Variants in ST3GAL2 observed in about 807,000 individuals in gnomAD.
ST3GAL2 encodes ST3 beta-galactoside alpha-2,3-sialyltransferase 2.
A neutral mutation model predicts 37.5 loss-of-function variants in ST3GAL2; 16 were observed. The observed-to-expected ratio is 0.43, with a 90% CI of 0.29 to 0.65. ST3GAL2 has a LOEUF of 0.65. ST3GAL2 is among the 30% of genes least tolerant of loss of function. The pLI, the probability that ST3GAL2 is intolerant of heterozygous loss-of-function variation, is 0.17. For synonymous variants in ST3GAL2, 238 were observed against 202.9 expected (o/e 1.17, Z -1.47); for missense variants, 383 against 487.8 (o/e 0.79, Z 2.02).
At chr16:70,386,520 A>G (rs1439800046) in intron 4 of ST3GAL2, among the ~76,000 whole-genome samples, 2 of 152,080 alleles carry the variant, frequency 1.3e-5, no homozygotes, top group African/African-American at 2.4e-5. Context: ...TTGTATTTTT[A>G]GTAGAGACAA....
chr16:70,384,534 G>C (rs2047428783), intron 4 of ST3GAL2, among the ~76,000 whole-genome samples: 1 of 151,656 alleles, frequency 6.6e-6, no homozygotes, highest in African/African-American at 2.4e-5. Context: ...GTAAAACCCT[G>C]TCTCTACTAA....
chr16:70,399,659 T>C (rs2047542071), intron 1 of ST3GAL2, 126 bp from the exon 2 acceptor site: 3 of 385,516 alleles, frequency 7.8e-6, no homozygotes, highest in Non-Finnish European at 1.4e-5. Context: ...AGGGTGGACA[T>C]GACCAAGGGC....
Position 70,381,630 on chromosome 16 carries a change from C to T in ST3GAL2, c.*59G>A, listed in dbSNP as rs538666834. 4.4e-6 allele frequency: 7 copies of T among 1,579,742 alleles called. No homozygotes were observed. In the South Asian group the frequency reaches 6.9e-5, roughly 16 times the overall value. ...TGGTCGCGGGTTGCTGGTCCTGGGTCCCGGGCCGGAGCCCCGGTGCCCGAT... is the reference window on the plus strand; with the variant it reads ...TGGTCGCGGGTTGCTGGTCCTGGGTTCCGGGCCGGAGCCCCGGTGCCCGAT... On this transcript the variant is annotated 3_prime_UTR_variant, in exon 7 of 7. Transcript: ENST00000342907.
chr16:70,414,571 T>C (rs1402941638), intron 1 of ST3GAL2, among the ~76,000 whole-genome samples: 2 of 152,248 alleles, frequency 1.3e-5, no homozygotes, highest in Admixed American at 6.5e-5. Flanking sequence ...AGGCCCAGCC[T>C]GAAGTTCCAC....
At chr16:70,401,763 T>C (rs1487987602) in intron 1 of ST3GAL2, among the ~76,000 whole-genome samples, 1 of 151,838 alleles carries the variant, frequency 6.6e-6, no homozygotes, top group Admixed American at 6.6e-5. Flanking sequence ...GAGCCTGAGG[T>C]GGGTGTATCA....
At chr16:70,399,733 A>C (rs1191776721) in intron 1 of ST3GAL2, 200 bp from the exon 2 acceptor site, 1 of 319,230 alleles carries the variant, frequency 3.1e-6, no homozygotes, top group Non-Finnish European at 5.7e-6. Flanking sequence ...GGACTAGATT[A>C]GCCCAGAGTC....
At chr16:70,383,022 GTGCGTC>G in intron 5 of ST3GAL2, 98 bp from the exon 6 acceptor site, 1 of 1,581,404 alleles carries the variant, frequency 6.3e-7, no homozygotes, top group Non-Finnish European at 8.6e-7. Flanking sequence ...TCAGAGACCT[GTGCGTC>G]TGTGTCTCCT....
At chr16:70,431,662 T>TAA (rs60739243) in intron 1 of ST3GAL2, among the ~76,000 whole-genome samples, 8,203 of 139,258 alleles carry the variant, frequency 0.059, 771 homozygotes, top group African/African-American at 0.2. Context: ...CCCATCTCTT[T>TAA]AAAAAAAAAA....
chr16:70,403,892 G>C (rs1468761960), intron 1 of ST3GAL2, among the ~76,000 whole-genome samples: 2 of 152,058 alleles, frequency 1.3e-5, no homozygotes, highest in Admixed American at 6.6e-5. Flanking sequence ...CTACTCAGGA[G>C]GCTTAGGCAT....
chr16:70,399,726 C>T, intron 1 of ST3GAL2, 193 bp from the exon 2 acceptor site: 2 of 328,390 alleles, frequency 6.1e-6, no homozygotes, highest in East Asian at 4.7e-5. Context: ...GCCTGGAGGA[C>T]TAGATTAGCC....
chr16:70,424,358 T>G (rs1162203607), intron 1 of ST3GAL2, among the ~76,000 whole-genome samples: 3 of 147,814 alleles, frequency 2.0e-5, no homozygotes, highest in African/African-American at 7.4e-5. Flanking sequence ...TCCCAGCACT[T>G]TGGGAGGCCG....
chr16:70,429,784 G>A (rs1218846860), intron 1 of ST3GAL2, among the ~76,000 whole-genome samples: 2 of 151,452 alleles, frequency 1.3e-5, no homozygotes, highest in Non-Finnish European at 2.9e-5. Context: ...TGGGATTACA[G>A]GCGCCCTCCA....
chr16:70,382,105 G>A (rs1180545063), intron 6 of ST3GAL2, among the ~76,000 whole-genome samples: 4 of 146,140 alleles, frequency 2.7e-5, no homozygotes, highest in African/African-American at 7.7e-5. Context: ...ACTCAGTGAA[G>A]CACTTGCCGG....
chr16:70,415,545 G>A (rs377162609), intron 1 of ST3GAL2, among the ~76,000 whole-genome samples: 85 of 152,086 alleles, frequency 5.6e-4, no homozygotes, highest in East Asian at 1.7e-3. Context: ...TCCATCTCCC[G>A]GGTTCAAGCG....
At chr16:70,415,861 C>A (rs900224064) in intron 1 of ST3GAL2, among the ~76,000 whole-genome samples, 1 of 150,588 alleles carries the variant, frequency 6.6e-6, no homozygotes, top group East Asian at 1.9e-4. Flanking sequence ...CCGCAACCTC[C>A]GCCTCCCGGG....
chr16:70,433,517 C>T (rs2047804971), intron 1 of ST3GAL2, among the ~76,000 whole-genome samples: 2 of 152,164 alleles, frequency 1.3e-5, no homozygotes, highest in South Asian at 4.1e-4. Context: ...CAACATGCCA[C>T]CAGCCCTTCC....
intron 1 of ST3GAL2, among the ~76,000 whole-genome samples, chr16:70,437,759 C>G (rs956899243): frequency 6.6e-5 from 10 of 152,182 alleles, no homozygotes; most frequent in African/African-American, 2.2e-4. Flanking sequence ...GTCTCCCAGA[C>G]TCCTCTTATG....
intron 1 of ST3GAL2, among the ~76,000 whole-genome samples, chr16:70,431,805 T>C (rs996681449): frequency 3.3e-5 from 5 of 151,416 alleles, no homozygotes; most frequent in South Asian, 2.1e-4. Flanking sequence ...CTACTAAAAA[T>C]ACAAGAAAAT....
chr16:70,417,827 G>A (rs1368186311), intron 1 of ST3GAL2, among the ~76,000 whole-genome samples: 3 of 151,958 alleles, frequency 2.0e-5, no homozygotes, highest in Non-Finnish European at 4.4e-5. Flanking sequence ...GGGGCGGGGG[G>A]AATGTTAGAA....
Sources: gnomAD v4.1 joint callset for allele counts (sites outside exome capture counted in the v4.1 genomes callset) on GRCh38, gnomAD v4.1.1 for gene constraint, MANE v1.5 for transcripts, NCBI Gene and HGNC (gene_info 2026-07-23, HGNC 2026-07-21) for gene names.